LUC7L: variants seen among roughly 807,000 people sequenced by gnomAD.
LUC7L encodes putative RNA-binding protein Luc7-like 1.
In LUC7L, 29 loss-of-function variants were observed where a neutral mutation model predicts 51.1. The ratio of observed to expected loss-of-function variants is 0.57; its 90% confidence interval spans 0.42 to 0.77. The LOEUF is 0.77. Among genes scored for constraint, LUC7L ranks in the 30% least tolerant of loss-of-function variants. The pLI is 0.00. For synonymous variants in LUC7L, 181 were observed against 180.7 expected (o/e 1.00, Z -0.01); for missense variants, 403 against 511.9 (o/e 0.79, Z 2.05).
rs4427800 is a variant in LUC7L, at chr16:194,155, G to A, written c.688-1140C>T. Reference sequence around the variant, plus strand: ...GCTCTGTCCACCCAGGCTGGATGGAGTGCAGTGGCGCAATCACAGCTCACC... The same window carrying A: ...GCTCTGTCCACCCAGGCTGGATGGAATGCAGTGGCGCAATCACAGCTCACC... On this transcript the variant is annotated intron_variant, in intron 6 of 9. Transcript: ENST00000293872. Among the ~76,000 whole-genome samples the A allele has an allele frequency of 6.1e-3, 924 of 152,016 alleles. 11 individuals are homozygous for A. The highest frequency in any genetic ancestry group is 0.021 in the African/African-American group (884 of 41,440).
At chr16:228,994 G>C (rs2050199250) in intron 1 of LUC7L, 1 of 1,434,990 alleles carries the variant, frequency 7.0e-7, no homozygotes, top group Non-Finnish European at 9.2e-7. Context: ...GCACGGAGCC[G>C]CGGCGCCCGC....
At chr16:218,769 G>A (rs1342790195) in intron 3 of LUC7L, among the ~76,000 whole-genome samples, 1 of 151,284 alleles carries the variant, frequency 6.6e-6, no homozygotes, top group East Asian at 1.9e-4. Flanking sequence ...GGGCAACAAC[G>A]AAAAAAAGCT....
rs776046747 is a variant in LUC7L, at chr16:227,222, G to A, written c.156+20C>T. On this transcript the variant is annotated intron_variant, in intron 2 of 9. Coordinates refer to ENST00000293872, the MANE Select transcript of LUC7L (RefSeq NM_201412.3). ...CACTCATGTCAGAGTGTTCCATGAG[G>A]TCCCCCAAAATGCACCTACCGTCCC... is the stretch of plus-strand genomic sequence containing the variant. 4 of 1,602,180 alleles carry A rather than the reference G, an allele frequency of 2.5e-6. No homozygotes were observed. The highest frequency in any genetic ancestry group is 3.4e-5 in the Admixed American group (2 of 59,628).
chr16:209,605 CATAA>C (rs2049581557), intron 3 of LUC7L: 1 of 151,678 alleles, frequency 6.6e-6, no homozygotes, highest in Non-Finnish European at 1.5e-5. Flanking sequence ...TCATGATAAA[CATAA>C]ATAAGTTTGT....
intron 6 of LUC7L, among the ~76,000 whole-genome samples, chr16:197,343 G>A (rs943730258): frequency 4.0e-5 from 6 of 150,830 alleles, no homozygotes; most frequent in Non-Finnish European, 5.9e-5. Context: ...CTCCCGAGTA[G>A]CCAGGATTAC....
At position 202,986 on chromosome 16, in the gene LUC7L, A is replaced by C. The variant is rs1214553614; in HGVS notation, c.510+3018T>G. ...GACATGGTGAAACCCCGTCTTCTCT[A>C]CTAAAAATACAAAAATTAGCTGGGC... On this transcript the variant is annotated intron_variant, in intron 5 of 9. Coordinates refer to ENST00000293872, the MANE Select transcript of LUC7L (RefSeq NM_201412.3). 5.3e-5 allele frequency among the ~76,000 whole-genome samples: 8 copies of C among 152,278 alleles called. No individual in the cohort carries two copies. The East Asian group carries it at 1.5e-3, about 29-fold the overall frequency.
Position 190,061 on chromosome 16 carries a change from C to G in LUC7L, c.881G>C (p.Arg294Pro). The change falls in exon 9 of 10, where the codon CGG becomes CCG. Residue 294 changes from arginine to proline, a missense_variant. Transcript: ENST00000293872. ...GTGGCGCCGATGTCTATCTCGGGAC[C>G]GGGACCGGGACAATTTCCGTCGCTC... ...SRERRKLSRSRSRDRHRRHRS... is the reference protein window; with the variant it reads ...SRERRKLSRSPSRDRHRRHRS... The G allele has an allele frequency of 6.2e-7, 1 of 1,613,662 alleles. No homozygotes were observed. Among genetic ancestry groups the G allele is most frequent in the Non-Finnish European group, 8.5e-7 (1 of 1,180,008 alleles).
At chr16:201,803 GCA>G (rs1163528960) in intron 5 of LUC7L, among the ~76,000 whole-genome samples, 1 of 141,782 alleles carries the variant, frequency 7.1e-6, no homozygotes, top group Non-Finnish European at 1.5e-5. Flanking sequence ...GAGTGCAATG[GCA>G]CGATCTCTGT....
chr16:208,214 T>TAA (rs777028559), intron 3 of LUC7L, 26 bp from the exon 4 acceptor site: 3 of 1,485,288 alleles, frequency 2.0e-6, no homozygotes, highest in Non-Finnish European at 2.8e-6. Context: ...CACAGCGCTA[T>TAA]AATCAATGAT....
intron 1 of LUC7L, chr16:228,991 G>A: frequency 7.0e-7 from 1 of 1,435,730 alleles, no homozygotes; most frequent in Non-Finnish European, 9.2e-7. Flanking sequence ...GGGGCACGGA[G>A]CCGCGGCGCC....
chr16:220,379 T>C (rs2049931449), intron 3 of LUC7L: 1 of 299,008 alleles, frequency 3.3e-6, no homozygotes, highest in Non-Finnish European at 6.1e-6. Flanking sequence ...TAAGCAAAAA[T>C]AAACACTGTT....
chr16:228,920 G>C (rs1273279178), intron 1 of LUC7L: 12 of 1,366,032 alleles, frequency 8.8e-6, no homozygotes, highest in Non-Finnish European at 1.2e-5. Flanking sequence ...CTGCCACCCG[G>C]CTGCCAGCGA....
At chr16:222,968 AAAG>A (rs2050017688) in intron 2 of LUC7L, among the ~76,000 whole-genome samples, 1 of 150,530 alleles carries the variant, frequency 6.6e-6, no homozygotes, top group Admixed American at 6.6e-5. Context: ...AAAAAAAAAA[AAAG>A]AAAGGAAGGC....
chr16:205,793 T>G (rs1339940411), intron 5 of LUC7L, among the ~76,000 whole-genome samples: 2 of 152,168 alleles, frequency 1.3e-5, no homozygotes, highest in Non-Finnish European at 2.9e-5. Context: ...GGATTCGCTG[T>G]GTTAGCCAGG....
At chr16:196,104 T>G (rs1331635515) in intron 6 of LUC7L, among the ~76,000 whole-genome samples, 1 of 149,098 alleles carries the variant, frequency 6.7e-6, no homozygotes, top group South Asian at 2.1e-4. Context: ...TTGCAGATAT[T>G]AAAAAAAAAA....
chr16:198,096 G>C (rs139855957), intron 6 of LUC7L, among the ~76,000 whole-genome samples: 1 of 151,518 alleles, frequency 6.6e-6, no homozygotes, highest in Non-Finnish European at 1.5e-5. Flanking sequence ...ATGAAGCCCC[G>C]TCTCTACTAA....
chr16:227,169 CAT>C, intron 2 of LUC7L, 71 bp downstream of exon 2: 1 of 1,252,700 alleles, frequency 8.0e-7, no homozygotes, highest in Non-Finnish European at 1.1e-6. Flanking sequence ...CAAAATTCAA[CAT>C]AGAAAAACCG....
At chr16:221,176 C>T (rs1012968078) in intron 2 of LUC7L, among the ~76,000 whole-genome samples, 4 of 149,486 alleles carry the variant, frequency 2.7e-5, no homozygotes, top group African/African-American at 9.9e-5. Flanking sequence ...CGTGATACCA[C>T]ACCCAGCTAA....
Position 189,521 on chromosome 16 carries a change from A to T in LUC7L, c.975-182T>A, listed in dbSNP as rs1200773890. 2.2e-6 allele frequency: 3 copies of T among 1,394,762 alleles called. No individual in the cohort carries two copies. The African/African-American group carries it at 4.3e-5, about 20-fold the overall frequency. 86.4% of individuals were successfully genotyped at this position (1,394,762 alleles called of 1,614,324 possible). Reference sequence around the variant, plus strand: ...ATGGAGTGTTAGATAGCCATTAAAAAGTGACCTTTGCGAAGATTTTTAATA... The same window carrying T: ...ATGGAGTGTTAGATAGCCATTAAAATGTGACCTTTGCGAAGATTTTTAATA... On this transcript the variant is annotated intron_variant, in intron 9 of 9. Coordinates refer to ENST00000293872, the MANE Select transcript of LUC7L (RefSeq NM_201412.3).
Sources: gnomAD v4.1 joint callset for allele counts (sites outside exome capture counted in the v4.1 genomes callset) on GRCh38, gnomAD v4.1.1 for gene constraint, MANE v1.5 for transcripts, NCBI Gene and HGNC (gene_info 2026-07-23, HGNC 2026-07-21) for gene names.